The following MPRIP variants were observed in gnomAD, a reference collection of about 807,000 sequenced individuals.
MPRIP encodes myosin phosphatase Rho-interacting protein.
MPRIP carries 59 observed loss-of-function variants against 234.9 expected under a neutral mutation model. The ratio of observed to expected loss-of-function variants is 0.25; its 90% CI spans 0.20 to 0.31. The LOEUF (loss-of-function observed/expected upper bound fraction) is 0.31. Among genes scored for constraint, MPRIP ranks in the 10% least tolerant of loss-of-function variants. The pLI, the probability that MPRIP is intolerant of heterozygous loss-of-function variation, is 1.00. For missense variants in MPRIP, 2,436 were observed against 3,071.0 expected, an observed-to-expected ratio of 0.79 and a Z score of 4.89; for synonymous variants, 1,144 against 1,263.9, an observed-to-expected ratio of 0.91 and a Z score of 2.01.
At chr17:17,074,493 C>T (rs2089279218) in intron 1 of MPRIP, among the ~76,000 whole-genome samples, 1 of 152,220 alleles carries the variant, frequency 6.6e-6, no homozygotes, top group Admixed American at 6.5e-5. Flanking sequence ...AGCTATAATT[C>T]ACATATCTTA....
chr17:17,068,743 C>T (rs912513159), intron 1 of MPRIP, among the ~76,000 whole-genome samples: 10 of 152,100 alleles, frequency 6.6e-5, no homozygotes, highest in African/African-American at 2.4e-4. Flanking sequence ...GTTGGCCAGG[C>T]TGGTCTCAAA....
intron 8 of MPRIP, 69 bp downstream of exon 8, chr17:17,142,834 C>T: frequency 6.5e-7 from 1 of 1,543,802 alleles, no homozygotes; most frequent in Non-Finnish European, 8.8e-7. Context: ...CCCCATGCGC[C>T]AAGTCCCCTC....
intron 1 of MPRIP, chr17:17,057,954 G>A: frequency 2.2e-6 from 1 of 450,768 alleles, no homozygotes; most frequent in East Asian, 3.7e-5. Flanking sequence ...TCGTGAACCT[G>A]CCACCCAACT....
chr17:17,115,973 C>T (rs1251294945), intron 3 of MPRIP, among the ~76,000 whole-genome samples: 1 of 152,074 alleles, frequency 6.6e-6, no homozygotes, highest in African/African-American at 2.4e-5. Flanking sequence ...TCCTGTTAAC[C>T]CTTAATGAAT....
chr17:17,100,736 C>T (rs935990407), intron 3 of MPRIP, among the ~76,000 whole-genome samples: 5 of 151,968 alleles, frequency 3.3e-5, no homozygotes, highest in Non-Finnish European at 1.5e-5. Context: ...AAAACAAGCT[C>T]AGGGCTCCCA....
chr17:17,176,322 C>T (rs55784627), intron 20 of MPRIP, 104 bp from the exon 21 acceptor site: 83,485 of 845,202 alleles, frequency 0.099, 4,926 homozygotes, highest in Non-Finnish European at 0.12. Flanking sequence ...GGCTGCCCTG[C>T]TCACTGGTGA....
intron 3 of MPRIP, among the ~76,000 whole-genome samples, chr17:17,080,411 G>A (rs1193967682): frequency 6.6e-6 from 1 of 152,226 alleles, no homozygotes; most frequent in Admixed American, 6.5e-5. Flanking sequence ...AAACAGGCTG[G>A]CAGGATCCTG....
At chr17:17,147,825 C>T (rs947474257) in intron 11 of MPRIP, among the ~76,000 whole-genome samples, 2 of 152,158 alleles carry the variant, frequency 1.3e-5, no homozygotes, top group African/African-American at 2.4e-5. Context: ...TGGACAAGGA[C>T]AGGATAGGAT....
chr17:17,090,248 G>A (rs2144136272), intron 3 of MPRIP, among the ~76,000 whole-genome samples: 1 of 152,322 alleles, frequency 6.6e-6, no homozygotes, highest in South Asian at 2.1e-4. Flanking sequence ...TGCAGTCCCA[G>A]CTGTGACCTA....
At position 17,055,487 on chromosome 17, in the gene MPRIP, A is replaced by C. The variant is rs572733901; in HGVS notation, c.123+12516A>C. ...TGTTGAGTGGGTCCCCTCAGCTGGC[A>C]GGCAGGTCCTTCCAGCCTCTCTGTC... is the stretch of plus-strand genomic sequence containing the variant. On this transcript the variant is annotated intron_variant, in intron 1 of 23. Coordinates refer to ENST00000651222, the MANE Select transcript of MPRIP (RefSeq NM_001364716.4). Among the ~76,000 whole-genome samples, 54 of 152,228 alleles carry C rather than the reference A, an allele frequency of 3.5e-4. 1 individual carries two copies. The East Asian group carries it at 9.8e-3, about 28-fold the overall frequency.
chr17:17,172,776 G>A lies in MPRIP; in HGVS notation c.6551G>A (p.Ser2184Asn). The change falls in exon 18 of 24, where the codon AGC becomes AAC. Residue 2184 changes from serine (S) to asparagine (N), a missense_variant. This residue lies in a region of MPRIP where 1,998 missense variants were observed against 2,520.3 expected (regional missense o/e 0.79). Transcript: ENST00000651222. ...AAGAGCCAGCGGTCCCAGATCAGCA[G>A]CGTCAACTCGGATGTTGAGGCCCTG... The part of the protein sequence containing the change: ...LEKSQRSQIS[S>N]VNSDVEALRR... The A allele has an allele frequency of 1.2e-6, 2 of 1,612,646 alleles. No individual in the cohort carries two copies. The highest frequency in any genetic ancestry group is 1.7e-6 in the Non-Finnish European group (2 of 1,180,024).
intron 3 of MPRIP, among the ~76,000 whole-genome samples, chr17:17,100,835 A>T (rs1423326562): frequency 6.6e-6 from 1 of 152,160 alleles, no homozygotes; most frequent in Non-Finnish European, 1.5e-5. Flanking sequence ...TCCTGAAACC[A>T]TCCATCCATT....
At chr17:17,056,177 T>C (rs972707130) in intron 1 of MPRIP, among the ~76,000 whole-genome samples, 3 of 152,204 alleles carry the variant, frequency 2.0e-5, no homozygotes, top group African/African-American at 4.8e-5. Flanking sequence ...CATTTAGCTT[T>C]CCTGCCCTTT....
At chr17:17,050,140 C>G (rs566058952) in intron 1 of MPRIP, among the ~76,000 whole-genome samples, 22 of 152,132 alleles carry the variant, frequency 1.4e-4, no homozygotes, top group African/African-American at 5.1e-4. Context: ...ACGGTGAAAC[C>G]CTGTCTCTAC....
chr17:17,118,152 G>A (rs2090320568), intron 3 of MPRIP, among the ~76,000 whole-genome samples: 1 of 152,234 alleles, frequency 6.6e-6, no homozygotes, highest in South Asian at 2.1e-4. Flanking sequence ...AAGGTCCTGG[G>A]AGTCTCACGG....
chr17:17,146,162 C>A, intron 10 of MPRIP, 70 bp downstream of exon 10: 2 of 1,435,800 alleles, frequency 1.4e-6, no homozygotes, highest in South Asian at 1.2e-5. Flanking sequence ...GTCCTTGTCC[C>A]CAGCCAGTCT....
At chr17:17,184,746 C>CGGTCT in intron 23 of MPRIP, 77 bp from the exon 24 acceptor site, 5 of 1,117,986 alleles carry the variant, frequency 4.5e-6, no homozygotes, top group Non-Finnish European at 2.7e-6. Flanking sequence ...ACCAGCGGTC[C>CGGTCT]GGTCTGGTCC....
Position 17,165,891 on chromosome 17 carries a change from C to G in MPRIP, c.4300C>G (p.Arg1434Gly), listed in dbSNP as rs1369374762. Residue 1434 changes from arginine (R) to glycine (G), a missense_variant, in exon 16 of 24, where the codon CGC becomes GGC. By Grantham distance (125) the Arg-to-Gly change is moderately radical (BLOSUM62 -2). Coordinates refer to ENST00000651222, the MANE Select transcript of MPRIP (RefSeq NM_001364716.4). The stretch of plus-strand genomic sequence containing the variant: ...CGAGGCCCAGCTGCGTGAGCAGCTC[C>G]GCGCCAGCCTGCTCCAGGTTGGCGC... ...GTEAQLREQL[R>G]ASLLQVGALA... is the part of the protein sequence containing the mutation. 4 of 1,303,768 alleles carry G rather than the reference C, an allele frequency of 3.1e-6. No homozygotes were observed. The East Asian group carries it at 1.7e-4, about 54-fold the overall frequency. The allele number at this position is 1,303,768 out of a possible 1,614,324, so 80.8% of individuals were successfully genotyped here. A position where few individuals can be genotyped will look rare whatever the true frequency, so the allele number is the denominator to read the frequency against.
At chr17:17,177,041 C>T (rs929463260) in intron 21 of MPRIP, among the ~76,000 whole-genome samples, 1 of 152,220 alleles carries the variant, frequency 6.6e-6, no homozygotes, top group Admixed American at 6.5e-5. Flanking sequence ...ATTATCCTGC[C>T]ATGTCCTGAT....
Sources: allele counts gnomAD v4.1 joint callset (sites outside exome capture counted in the v4.1 genomes callset), GRCh38; gene constraint gnomAD v4.1.1; regional missense constraint gnomAD v4.1.1; transcripts MANE v1.5; gene names NCBI Gene and HGNC (gene_info 2026-07-23, HGNC 2026-07-21).